The following HAUS8 variants were observed in gnomAD, a reference collection of about 807,000 sequenced individuals.
HAUS8 encodes the protein HAUS augmin like complex subunit 8.
HAUS8 carries 38 observed loss-of-function variants against 42.9 expected under a neutral mutation model. The observed-to-expected ratio is 0.89, with a 90% confidence interval of 0.68 to 1.16. HAUS8 has a LOEUF of 1.16. Ranked by LOEUF, HAUS8 falls within the 50% of genes most tolerant of loss-of-function variation. HAUS8 has a pLI of 0.00. For synonymous variants in HAUS8, 199 were observed against 205.8 expected, an observed-to-expected ratio of 0.97 and a Z score of 0.28; for missense variants, 494 against 511.6, an observed-to-expected ratio of 0.97 and a Z score of 0.33.
chr19:17,055,858 T>C lies in HAUS8; in HGVS notation c.787+3A>G, dbSNP rs746646879. The stretch of plus-strand genomic sequence containing the variant: ...ACACGCACTGGGACGCCCCGTTTCC[T>C]ACCTAAGAGCTGCTGCCCATCTCCC... On this transcript the variant is annotated splice_donor_region_variant and intron_variant, in intron 9 of 10. Coordinates refer to ENST00000253669, the MANE Select transcript of HAUS8 (RefSeq NM_033417.2). 1 of 1,613,172 alleles carries C rather than the reference T, an allele frequency of 6.2e-7. No individual in the cohort carries two copies. Among genetic ancestry groups the C allele is most frequent in the Non-Finnish European group, 8.5e-7 (1 of 1,179,706 alleles).
chr19:17,065,159 CAA>C (rs1469763196), intron 3 of HAUS8, among the ~76,000 whole-genome samples: 1 of 152,218 alleles, frequency 6.6e-6, no homozygotes, highest in Non-Finnish European at 1.5e-5. Flanking sequence ...TTCACACCCA[CAA>C]GACTGGCTAG....
chr19:17,056,562 G>C (rs1232045181), intron 8 of HAUS8, among the ~76,000 whole-genome samples: 2 of 151,406 alleles, frequency 1.3e-5, no homozygotes, highest in African/African-American at 4.9e-5. Flanking sequence ...CACACACACA[G>C]ACACACATAC....
At position 17,059,568 on chromosome 19, in the gene HAUS8, T is replaced by G; in HGVS notation, c.409A>C (p.Lys137Gln). 2.5e-6 allele frequency: 4 copies of G among 1,613,358 alleles called. No homozygotes were observed. Among genetic ancestry groups the G allele is most frequent in the Non-Finnish European group, 3.4e-6 (4 of 1,179,444 alleles). ...TTTCAGACACTTACCGGGCTCTTTT[T>G]CCGAGGGGCAGAAAATGATGTTGAC... is the stretch of plus-strand genomic sequence containing the variant. ...PESTSFSAPRKKSPDLSEAME... is the reference protein window; with the variant it reads ...PESTSFSAPRQKSPDLSEAME... The change falls in exon 6 of 11, where the codon AAA becomes CAA. Residue 137 changes from lysine (K) to glutamine (Q), a missense_variant. Physicochemically the swap from Lys to Gln is moderately conservative, Grantham distance 53 (BLOSUM62 1). Coordinates refer to ENST00000253669, the MANE Select transcript of HAUS8 (RefSeq NM_033417.2).
At chr19:17,069,852 C>T (rs2057410690) in intron 2 of HAUS8, among the ~76,000 whole-genome samples, 1 of 152,062 alleles carries the variant, frequency 6.6e-6, no homozygotes, top group South Asian at 2.1e-4. Context: ...GAAGTGGCCC[C>T]AGGAGACCCT....
At chr19:17,067,939 C>T (rs1024731111) in intron 3 of HAUS8, among the ~76,000 whole-genome samples, 5 of 152,104 alleles carry the variant, frequency 3.3e-5, no homozygotes, top group African/African-American at 4.8e-5. Flanking sequence ...CACGTTCTCA[C>T]GTGGTTAAAT....
chr19:17,070,505 C>T (rs923783469), intron 2 of HAUS8, among the ~76,000 whole-genome samples: 10 of 152,276 alleles, frequency 6.6e-5, no homozygotes, highest in South Asian at 2.1e-4. Flanking sequence ...TCTATTCAGC[C>T]GCTCTGCCGC....
rs992326728 is a variant in HAUS8, at chr19:17,060,158, C to T, written c.230-66G>A. The T allele has an allele frequency of 3.1e-5, 35 of 1,138,678 alleles. No individual in the cohort carries two copies. In the Admixed American group the frequency reaches 3.8e-4, roughly 12 times the overall value. The allele number at this position is 1,138,678 out of a possible 1,614,324, so 70.5% of individuals were successfully genotyped here. A position where few individuals can be genotyped will look rare whatever the true frequency, so the allele number is the denominator to read the frequency against. ...GACACTCTCCATTCAAGCCAGGAAA[C>T]GCAGGCCGTGTTTTTGAACAATACC... On this transcript the variant is annotated intron_variant, in intron 4 of 10. Coordinates refer to ENST00000253669, the MANE Select transcript of HAUS8 (RefSeq NM_033417.2).
chr19:17,055,634 G>T (rs950893809), intron 9 of HAUS8, among the ~76,000 whole-genome samples: 1 of 152,122 alleles, frequency 6.6e-6, no homozygotes. Flanking sequence ...AATGCCTTTC[G>T]GCAGGACAGA....
chr19:17,057,593 G>A (rs560955596), intron 8 of HAUS8, among the ~76,000 whole-genome samples: 12 of 152,052 alleles, frequency 7.9e-5, no homozygotes, highest in Admixed American at 1.3e-4. Context: ...TTGTTTGAGG[G>A]TCAACTGGGT....
At chr19:17,058,331 C>T (rs2057338201) in intron 8 of HAUS8, among the ~76,000 whole-genome samples, 1 of 152,278 alleles carries the variant, frequency 6.6e-6, no homozygotes. Flanking sequence ...AGAAGGTGCA[C>T]ACCTCCCTTA....
At position 17,059,415 on chromosome 19, in the gene HAUS8, T is replaced by C. The variant is rs1472376889; in HGVS notation, c.420+142A>G. 1.1e-5 allele frequency: 7 copies of C among 628,890 alleles called. No individual in the cohort carries two copies. The East Asian group carries it at 1.9e-4, about 17-fold the overall frequency. The allele number at this position is 628,890 out of a possible 1,614,324, so 39.0% of individuals were successfully genotyped here. A position where few individuals can be genotyped will look rare whatever the true frequency, so the allele number is the denominator to read the frequency against. ...ACTCTACAAATGATCTAAGAACATC[T>C]GTAGTCTTGATTTTTGTCCTAAAGG... On this transcript the variant is annotated intron_variant, in intron 6 of 10. Coordinates refer to ENST00000253669, the MANE Select transcript of HAUS8 (RefSeq NM_033417.2).
At chr19:17,056,600 T>C (rs542565197) in intron 8 of HAUS8, among the ~76,000 whole-genome samples, 17 of 151,942 alleles carry the variant, frequency 1.1e-4, no homozygotes, top group African/African-American at 2.7e-4. Flanking sequence ...CATACACATA[T>C]ATATTTTTTA....
In HAUS8 at chr19:17,069,043, C is replaced by CT; in HGVS notation, c.134dup (p.Thr46AspfsTer19). On this transcript the variant is annotated frameshift_variant, in exon 3 of 11. Transcript: ENST00000253669. LOFTEE classifies it high-confidence loss of function. The stretch of plus-strand genomic sequence containing the variant: ...GGTGCGGCCTTACCTTTTGGGTTGT[C>CT]TTCTTTTCATACTGCAGATACCGGG... The CT allele has an allele frequency of 6.2e-7, 1 of 1,613,276 alleles. No homozygotes were observed. Among genetic ancestry groups the CT allele is most frequent in the African/African-American group, 1.3e-5 (1 of 75,012 alleles).
chr19:17,068,099 C>CTTTTTTTTTTTTTTTTTTTTTTT (rs889723027), intron 3 of HAUS8, among the ~76,000 whole-genome samples: 4 of 93,506 alleles, frequency 4.3e-5, no homozygotes, highest in African/African-American at 4.3e-5. Flanking sequence ...TTATTTTATT[C>CTTTTTTTTTTTTTTTTTTTTTTT]TTTTTTTTTT....
chr19:17,068,901 C>A, intron 3 of HAUS8, 130 bp downstream of exon 3: 1 of 775,794 alleles, frequency 1.3e-6, no homozygotes, highest in Admixed American at 2.0e-5. Flanking sequence ...CTCAAAAGCA[C>A]CTGAGTGAAG....
intron 1 of HAUS8, 137 bp downstream of exon 1, chr19:17,075,257 G>A: frequency 5.4e-6 from 5 of 923,516 alleles, no homozygotes; most frequent in Non-Finnish European, 8.7e-6. Context: ...CGCCATCGGG[G>A]TCTTCAGGGG....
In HAUS8 at chr19:17,055,580, T is replaced by C. The variant is rs1028918219; in HGVS notation, c.787+281A>G. ...GTCACCCCCCAACCACTACGGCATA[T>C]TTGTTGGGAGCAGGACTCAGGAGAC... is the stretch of plus-strand genomic sequence containing the variant. On this transcript the variant is annotated intron_variant, in intron 9 of 10. Transcript: ENST00000253669. 1.3e-5 allele frequency among the ~76,000 whole-genome samples: 2 copies of C among 151,886 alleles called. No homozygotes were observed. Among genetic ancestry groups the C allele is most frequent in the Admixed American group, 6.6e-5 (1 of 15,232 alleles).
intron 4 of HAUS8, among the ~76,000 whole-genome samples, chr19:17,061,952 T>C (rs933761044): frequency 6.6e-6 from 1 of 151,736 alleles, no homozygotes; most frequent in African/African-American, 2.4e-5. Context: ...GGGAAGGGCA[T>C]AGCGCGAATT....
chr19:17,057,285 C>T (rs549689696), intron 8 of HAUS8, among the ~76,000 whole-genome samples: 2 of 151,796 alleles, frequency 1.3e-5, no homozygotes, highest in African/African-American at 4.8e-5. Context: ...GGGAGGCGGA[C>T]GTTGCAGTGA....
Sources: allele counts gnomAD v4.1 joint callset (sites outside exome capture counted in the v4.1 genomes callset), GRCh38; gene constraint gnomAD v4.1.1; transcripts MANE v1.5; gene names NCBI Gene and HGNC (gene_info 2026-07-23, HGNC 2026-07-21).